The following PCP4L1 variants were observed in gnomAD, a reference collection of about 807,000 sequenced individuals.
PCP4L1 encodes the protein Purkinje cell protein 4-like protein 1.
In PCP4L1, 9 loss-of-function variants were observed where a neutral mutation model predicts 9.6. The observed-to-expected ratio is 0.94, with a 90% CI of 0.57 to 1.64. PCP4L1 has a LOEUF of 1.64. Among genes scored for constraint, PCP4L1 ranks in the 40% most tolerant of loss-of-function variants. The pLI, the probability that PCP4L1 is intolerant of heterozygous loss-of-function variation, is 0.00. For missense variants in PCP4L1, 81 were observed against 80.8 expected (o/e 1.00, Z -0.01); for synonymous variants, 31 against 28.2 (o/e 1.10, Z -0.31).
rs1008296464 is a variant in PCP4L1, at chr1:161,259,069, C to T, written c.9+86C>T. 8 of 1,489,202 alleles carry T rather than the reference C, an allele frequency of 5.4e-6. No homozygotes were observed. In the African/African-American group the frequency reaches 7.1e-5, roughly 13 times the overall value. The allele number at this position is 1,489,202 out of a possible 1,614,324, so 92.2% of individuals were successfully genotyped here. A position where few individuals can be genotyped will look rare whatever the true frequency, so the allele number is the denominator to read the frequency against. On this transcript the variant is annotated intron_variant, in intron 1 of 2. Transcript: ENST00000504449. The stretch of plus-strand genomic sequence containing the variant: ...GGGATCCCAGGGAGGCGAGGGAGAG[C>T]GAGGCAGACCGGAGCCGCGAAGAAC...
intron 1 of PCP4L1, among the ~76,000 whole-genome samples, chr1:161,267,193 TGC>T (rs530258456): frequency 4.6e-5 from 7 of 152,250 alleles, no homozygotes; most frequent in Non-Finnish European, 8.8e-5. Flanking sequence ...TAGGTTTCTC[TGC>T]CTTGGACTGT....
chr1:161,259,107 C>T, intron 1 of PCP4L1, 124 bp downstream of exon 1: 1 of 1,333,620 alleles, frequency 7.5e-7, no homozygotes, highest in Non-Finnish European at 9.9e-7. Flanking sequence ...TCCAGGGGCG[C>T]CCCACTGCCC....
rs371750318 is a variant in PCP4L1, at chr1:161,259,296, G to A, written c.9+313G>A. Among the ~76,000 whole-genome samples the A allele has an allele frequency of 1.9e-3, 288 of 152,234 alleles. 12 individuals carry two copies. The South Asian group carries it at 0.058, about 31-fold the overall frequency. On this transcript the variant is annotated intron_variant, in intron 1 of 2. Coordinates refer to ENST00000504449, the MANE Select transcript of PCP4L1 (RefSeq NM_001102566.2). ...CCTCTGGATACTGCCCCCTGCATCT[G>A]TCTTACTGCCCGAGATTATTCTGGC...
chr1:161,268,265 A>G (rs185937788), intron 1 of PCP4L1, among the ~76,000 whole-genome samples: 1,618 of 127,318 alleles, frequency 0.013, 38 homozygotes, highest in African/African-American at 0.043. Flanking sequence ...TTAGAAGGGG[A>G]AAAAAAAAAG....
chr1:161,273,871 T>A (rs1484289435), intron 1 of PCP4L1, among the ~76,000 whole-genome samples: 1 of 152,194 alleles, frequency 6.6e-6, no homozygotes, highest in Non-Finnish European at 1.5e-5. Context: ...AAGATAGCAT[T>A]GTATACGCAT....
chr1:161,268,613 G>A (rs1005222292), intron 1 of PCP4L1, among the ~76,000 whole-genome samples: 2 of 132,762 alleles, frequency 1.5e-5, no homozygotes, highest in Non-Finnish European at 3.0e-5. Context: ...GCAATGGCAC[G>A]ATCTCAGCTC....
At chr1:161,279,409 T>C (rs1488890769) in intron 1 of PCP4L1, among the ~76,000 whole-genome samples, 1 of 152,246 alleles carries the variant, frequency 6.6e-6, no homozygotes, top group Non-Finnish European at 1.5e-5. Context: ...GTTGAATGAA[T>C]CTTTTGCTTC....
chr1:161,259,905 C>T (rs149360408), intron 1 of PCP4L1, among the ~76,000 whole-genome samples: 3 of 152,288 alleles, frequency 2.0e-5, no homozygotes, highest in African/African-American at 4.8e-5. Context: ...CAGCTACTTA[C>T]CTGTGATGTA....
At chr1:161,278,422 T>A (rs1052820083) in intron 1 of PCP4L1, among the ~76,000 whole-genome samples, 1 of 152,014 alleles carries the variant, frequency 6.6e-6, no homozygotes, top group Non-Finnish European at 1.5e-5. Context: ...CTTCCTTCCT[T>A]CTTTTTTTTC....
At chr1:161,270,744 A>C (rs934105608) in intron 1 of PCP4L1, among the ~76,000 whole-genome samples, 2 of 151,850 alleles carry the variant, frequency 1.3e-5, no homozygotes, top group Non-Finnish European at 2.9e-5. Flanking sequence ...GCATGGTGGC[A>C]TGTGCTTGTA....
chr1:161,269,269 G>T (rs116355212), intron 1 of PCP4L1, among the ~76,000 whole-genome samples: 4,581 of 152,152 alleles, frequency 0.03, 236 homozygotes, highest in African/African-American at 0.11. Flanking sequence ...GGGGGGGTAA[G>T]ACATTACCTG....
Position 161,258,902 on chromosome 1 carries a change from G to T in PCP4L1, c.-73G>T, listed in dbSNP as rs1242961257. The stretch of plus-strand genomic sequence containing the variant: ...CAGAGCCCGGCAACTTTCAGCTGTC[G>T]CCCGCGGAGCCCCGAGGGCCACTCG... On this transcript the variant is annotated 5_prime_UTR_variant, in exon 1 of 3. Coordinates refer to ENST00000504449, the MANE Select transcript of PCP4L1 (RefSeq NM_001102566.2). The T allele has an allele frequency of 5.2e-6, 8 of 1,534,068 alleles. No individual in the cohort carries two copies. Among genetic ancestry groups the T allele is most frequent in the South Asian group, 4.8e-5 (4 of 84,004 alleles).
chr1:161,270,346 G>A (rs1250901938), intron 1 of PCP4L1, among the ~76,000 whole-genome samples: 4 of 152,000 alleles, frequency 2.6e-5, no homozygotes, highest in African/African-American at 4.8e-5. Context: ...TTTATCCTAA[G>A]AGCATCAGTA....
In PCP4L1 at chr1:161,284,602, A is replaced by G. The variant is rs1202283992; in HGVS notation, c.*121A>G. On this transcript the variant is annotated 3_prime_UTR_variant, in exon 3 of 3. Transcript: ENST00000504449. ...TCCTTGAGGCAAGTTCAACCTTTAT[A>G]TACTCTTGTATCTGGCCCCCTCAAG... The G allele has an allele frequency of 6.0e-6, 8 of 1,322,658 alleles. No homozygotes were observed. The highest frequency in any genetic ancestry group is 7.2e-6 in the Non-Finnish European group (7 of 971,408). The allele number at this position is 1,322,658 out of a possible 1,614,324, so 81.9% of individuals were successfully genotyped here.
At chr1:161,262,588 G>C (rs1207177457) in intron 1 of PCP4L1, among the ~76,000 whole-genome samples, 1 of 152,148 alleles carries the variant, frequency 6.6e-6, no homozygotes, top group Non-Finnish European at 1.5e-5. Flanking sequence ...TGGTAGAAGT[G>C]GATGACTTTG....
intron 1 of PCP4L1, among the ~76,000 whole-genome samples, chr1:161,259,219 G>T (rs1669378799): frequency 6.6e-6 from 1 of 152,166 alleles, no homozygotes. Flanking sequence ...AATTGGAATC[G>T]GCTGTAGAGT....
intron 1 of PCP4L1, among the ~76,000 whole-genome samples, chr1:161,266,284 C>T (rs115739773): frequency 3.9e-5 from 6 of 152,246 alleles, no homozygotes; most frequent in South Asian, 2.1e-4. Flanking sequence ...TAGGCTGCAG[C>T]GGGGATTAAT....
At chr1:161,283,504 A>C (rs1481501201) in intron 1 of PCP4L1, among the ~76,000 whole-genome samples, 164 bp from the exon 2 acceptor site, 1 of 152,144 alleles carries the variant, frequency 6.6e-6, no homozygotes, top group East Asian at 1.9e-4. Context: ...ATGAATTTTG[A>C]TAACTTTTCC....
chr1:161,261,716 C>T (rs1353029273), intron 1 of PCP4L1, among the ~76,000 whole-genome samples: 5 of 152,196 alleles, frequency 3.3e-5, no homozygotes, highest in Admixed American at 2.0e-4. Context: ...GTCCAGCAGT[C>T]GTTCTGCTGA....
Sources: allele counts gnomAD v4.1 joint callset (sites outside exome capture counted in the v4.1 genomes callset), GRCh38; gene constraint gnomAD v4.1.1; transcripts MANE v1.5; gene names NCBI Gene and HGNC (gene_info 2026-07-23, HGNC 2026-07-21).